Variants in MON2 observed in about 807,000 individuals in gnomAD.
The protein encoded by MON2 is protein MON2 homolog.
MON2 carries 84 observed loss-of-function variants against 208.6 expected under a neutral mutation model. The observed-to-expected ratio is 0.40, with a 90% confidence interval of 0.34 to 0.48. The LOEUF is 0.48. Among genes scored for constraint, MON2 ranks in the 20% least tolerant of loss-of-function variants. MON2 has a pLI of 0.59. For missense variants in MON2, 1,611 were observed against 2,015.4 expected (o/e 0.80, Z 3.84); for synonymous variants, 660 against 694.0 (o/e 0.95, Z 0.77).
rs2075599175 is a variant in MON2 at position 62,600,469 on chromosome 12, A to G, written c.*7720A>G. 2.0e-5 allele frequency: 3 copies of G among 152,286 alleles called. No individual in the cohort carries two copies. Among genetic ancestry groups the G allele is most frequent in the African/African-American group, 7.2e-5 (3 of 41,480 alleles). 9.4% of individuals were successfully genotyped at this position (152,286 alleles called of 1,614,324 possible). A position where few individuals can be genotyped will look rare whatever the true frequency, so the allele number is the denominator to read the frequency against. On this transcript the variant is annotated 3_prime_UTR_variant, in exon 35 of 35. Transcript: ENST00000393630. ...AGACTATACAATTAAATACTGGTGTATCACTAACAACTGTTTAGACCCTGT... is the reference window on the plus strand; with the variant it reads ...AGACTATACAATTAAATACTGGTGTGTCACTAACAACTGTTTAGACCCTGT...
rs761435846 is a variant in MON2, at chr12:62,546,971, G to A, written c.2652G>A (p.Gln884=). ...NINHPDIRLK[Q]LECVLQILQS... is the part of the protein sequence containing the mutation. ...ATCATCCAGATATTCGACTCAAGCA[G>A]TTAGAATGCGTGTTGCAGATTCTGC... Residue 884 remains glutamine, a synonymous_variant, in exon 22 of 35, where the codon CAG becomes CAA. Transcript: ENST00000393630. 9.3e-6 allele frequency: 15 copies of A among 1,613,276 alleles called. No individual in the cohort carries two copies. Among genetic ancestry groups the A allele is most frequent in the African/African-American group, 1.3e-5 (1 of 74,864 alleles).
chr12:62,534,542 A>AAAAATATATATATATAT (rs1555169522), intron 12 of MON2, among the ~76,000 whole-genome samples: 1 of 22,846 alleles, frequency 4.4e-5, no homozygotes, highest in African/African-American at 2.0e-4. Context: ...AAAAAAAAAA[A>AAAAATATATATATATAT]ATATATATAT....
intron 8 of MON2, among the ~76,000 whole-genome samples, chr12:62,512,013 G>C (rs1241985542): frequency 6.6e-6 from 1 of 152,066 alleles, no homozygotes; most frequent in Non-Finnish European, 1.5e-5. Context: ...AAAACCACCA[G>C]ATCTTGTGAG....
intron 8 of MON2, among the ~76,000 whole-genome samples, chr12:62,520,803 A>G (rs2071988949): frequency 6.7e-6 from 1 of 149,008 alleles, no homozygotes; most frequent in African/African-American, 2.4e-5. Context: ...GGCAGGCACC[A>G]AAATATCCAA....
At chr12:62,542,546 G>A (rs2073284730) in intron 19 of MON2, among the ~76,000 whole-genome samples, 1 of 152,094 alleles carries the variant, frequency 6.6e-6, no homozygotes, top group Non-Finnish European at 1.5e-5. Context: ...CATGGACCAG[G>A]TACTCTAATT....
intron 11 of MON2, among the ~76,000 whole-genome samples, chr12:62,529,981 T>C (rs765340510): frequency 8.5e-5 from 13 of 152,212 alleles, no homozygotes; most frequent in Non-Finnish European, 1.3e-4. Flanking sequence ...ATCTTTTCTT[T>C]ATGGTGGGAA....
At chr12:62,533,862 C>T (rs1386013476) in intron 12 of MON2, among the ~76,000 whole-genome samples, 3 of 152,202 alleles carry the variant, frequency 2.0e-5, no homozygotes, top group Non-Finnish European at 2.9e-5. Context: ...ACACTAGTTT[C>T]TTCAGTTCCA....
intron 11 of MON2, among the ~76,000 whole-genome samples, chr12:62,529,397 C>T (rs1390173422): frequency 1.3e-5 from 2 of 151,972 alleles, no homozygotes; most frequent in African/African-American, 4.8e-5. Context: ...AGAGTATTTG[C>T]TCAGTGAATG....
intron 11 of MON2, among the ~76,000 whole-genome samples, chr12:62,526,614 T>A (rs777983620): frequency 5.3e-5 from 8 of 152,184 alleles, no homozygotes; most frequent in Non-Finnish European, 1.5e-5. Flanking sequence ...AATTAAAAAG[T>A]GTTTAATGGA....
rs1271994965 is a variant in MON2 at position 62,522,391 on chromosome 12, A to G, written c.985-2124A>G. 5.3e-5 allele frequency among the ~76,000 whole-genome samples: 8 copies of G among 152,322 alleles called. No homozygotes were observed. In the East Asian group the frequency reaches 9.6e-4, roughly 18 times the overall value. On this transcript the variant is annotated intron_variant, in intron 8 of 34. Coordinates refer to ENST00000393630, the MANE Select transcript of MON2 (RefSeq NM_015026.3). The stretch of plus-strand genomic sequence containing the variant: ...ACAAGCTCCTGACAAATAGACTCCT[A>G]CATGAATGTGCTACCAGATTTTCTT...
At chr12:62,550,279 C>T (rs1278329857) in intron 23 of MON2, among the ~76,000 whole-genome samples, 1 of 152,086 alleles carries the variant, frequency 6.6e-6, no homozygotes, top group African/African-American at 2.4e-5. Flanking sequence ...CCTGTAATCC[C>T]AGCACTTTGG....
chr12:62,520,127 A>G (rs1259326495), intron 8 of MON2, among the ~76,000 whole-genome samples: 1 of 152,204 alleles, frequency 6.6e-6, no homozygotes, highest in Admixed American at 6.5e-5. Context: ...ACTTTCTTAC[A>G]GGTCTAGGAT....
chr12:62,506,962 A>G (rs2071134611), intron 7 of MON2, among the ~76,000 whole-genome samples: 2 of 152,204 alleles, frequency 1.3e-5, no homozygotes, highest in African/African-American at 2.4e-5. Context: ...CTTGGCTAAT[A>G]TAGGCAGGGA....
rs1314537099 is a variant in MON2 at position 62,597,709 on chromosome 12, G to A, written c.*4960G>A. 1.3e-5 allele frequency: 2 copies of A among 152,116 alleles called. No homozygotes were observed. Among genetic ancestry groups the A allele is most frequent in the Admixed American group, 6.5e-5 (1 of 15,276 alleles). The allele number at this position is 152,116 out of a possible 1,614,324, so 9.4% of individuals were successfully genotyped here. On this transcript the variant is annotated 3_prime_UTR_variant, in exon 35 of 35. Transcript: ENST00000393630. ...TAATCATGTCTTTTCTGTTATGTGG[G>A]TAGAGAGATTATATATCTTTTCTCA...
intron 32 of MON2, among the ~76,000 whole-genome samples, chr12:62,584,385 A>G (rs2075120014): frequency 1.3e-5 from 2 of 152,164 alleles, no homozygotes; most frequent in Non-Finnish European, 2.9e-5. Flanking sequence ...ATGCTCTGTA[A>G]AAGCAAAGTA....
intron 7 of MON2, among the ~76,000 whole-genome samples, 176 bp from the exon 8 acceptor site, chr12:62,508,110 C>T (rs980325996): frequency 2.6e-5 from 4 of 152,006 alleles, no homozygotes; most frequent in East Asian, 3.9e-4. Flanking sequence ...AAGTGCAATA[C>T]GAATTTCAAA....
intron 11 of MON2, among the ~76,000 whole-genome samples, chr12:62,531,783 T>G (rs1227551079): frequency 2.6e-5 from 4 of 152,062 alleles, no homozygotes; most frequent in Non-Finnish European, 4.4e-5. Flanking sequence ...TTTTTTATTT[T>G]TTTTGAGACA....
rs1163696488 is a variant in MON2 at position 62,561,038 on chromosome 12, T to C, written c.3957T>C (p.Ile1319=). 1 of 1,613,228 alleles carries C rather than the reference T, an allele frequency of 6.2e-7. No individual in the cohort carries two copies. The highest frequency in any genetic ancestry group is 8.5e-7 in the Non-Finnish European group (1 of 1,179,260). ...VPISSDASPF[I]LPSYTEAVLT... ...TAAGTTCAGATGCATCCCCTTTTAT[T>C]CTTCCATCTTATACCGAAGCAGTTT... The change falls in exon 26 of 35, where the codon ATT becomes ATC. Residue 1319 remains isoleucine, a synonymous_variant. Coordinates refer to ENST00000393630, the MANE Select transcript of MON2 (RefSeq NM_015026.3).
chr12:62,560,225 T>C (rs1393990027), intron 25 of MON2: 6 of 287,090 alleles, frequency 2.1e-5, no homozygotes. Context: ...CTGAGTTTTG[T>C]TTTTAAGATT....
Sources: gnomAD v4.1 joint callset for allele counts (sites outside exome capture counted in the v4.1 genomes callset) on GRCh38, gnomAD v4.1.1 for gene constraint, MANE v1.5 for transcripts, NCBI Gene and HGNC (gene_info 2026-07-23, HGNC 2026-07-21) for gene names.